Variants in NCAM2 observed in about 807,000 individuals in gnomAD.
NCAM2 encodes the protein N-CAM-2.
A neutral mutation model predicts 98.1 loss-of-function variants in NCAM2; 30 were observed. The ratio of observed to expected loss-of-function variants is 0.31; its 90% CI spans 0.23 to 0.41. The LOEUF is 0.41. Among genes scored for constraint, NCAM2 ranks in the 10% least tolerant of loss-of-function variants. The pLI is 1.00. For synonymous variants in NCAM2, 368 were observed against 342.4 expected (o/e 1.07, Z -0.83); for missense variants, 867 against 1,005.8 (o/e 0.86, Z 1.87).
At chr21:21,151,530 A>C (rs147851329) in intron 1 of NCAM2, among the ~76,000 whole-genome samples, 1 of 152,074 alleles carries the variant, frequency 6.6e-6, no homozygotes, top group Non-Finnish European at 1.5e-5. Flanking sequence ...GCCTCTACCT[A>C]TAATTGTTGA....
At chr21:21,221,965 A>C (rs543337320) in intron 1 of NCAM2, among the ~76,000 whole-genome samples, 35 of 152,276 alleles carry the variant, frequency 2.3e-4, no homozygotes, top group African/African-American at 7.9e-4. Context: ...TGGCTAATGC[A>C]GCTGATGACT....
At chr21:21,395,202 G>A (rs940743211) in intron 9 of NCAM2, among the ~76,000 whole-genome samples, 2 of 152,128 alleles carry the variant, frequency 1.3e-5, no homozygotes, top group Non-Finnish European at 2.9e-5. Flanking sequence ...GGGCCTGGTG[G>A]CGCATGCCTA....
chr21:21,116,519 A>C (rs2146546676), intron 1 of NCAM2, among the ~76,000 whole-genome samples: 1 of 152,274 alleles, frequency 6.6e-6, no homozygotes, highest in East Asian at 1.9e-4. Context: ...GGCTATCTTA[A>C]CACCTGCTTG....
intron 1 of NCAM2, among the ~76,000 whole-genome samples, chr21:21,231,312 AT>A (rs2070616110): frequency 6.6e-6 from 1 of 151,490 alleles, no homozygotes; most frequent in African/African-American, 2.4e-5. Flanking sequence ...TATGGCAGTT[AT>A]CCCTTTTATA....
intron 15 of NCAM2, among the ~76,000 whole-genome samples, chr21:21,490,832 C>T (rs1265962004): frequency 2.0e-5 from 3 of 151,528 alleles, no homozygotes; most frequent in East Asian, 3.9e-4. Flanking sequence ...AGTGTATTGT[C>T]CTCAGTATCA....
At chr21:21,016,164 T>C (rs1252621350) in intron 1 of NCAM2, among the ~76,000 whole-genome samples, 1 of 152,106 alleles carries the variant, frequency 6.6e-6, no homozygotes, top group Non-Finnish European at 1.5e-5. Context: ...TGATTTCCTT[T>C]CCCGAATCAA....
At chr21:21,254,975 G>A (rs1464688926) in intron 1 of NCAM2, among the ~76,000 whole-genome samples, 1 of 131,182 alleles carries the variant, frequency 7.6e-6, no homozygotes, top group Non-Finnish European at 1.7e-5. Context: ...GTGTGTGTGT[G>A]TGTGTATAAT....
chr21:21,476,315 T>C (rs768636960), intron 14 of NCAM2, among the ~76,000 whole-genome samples: 16 of 152,108 alleles, frequency 1.1e-4, no homozygotes, highest in Non-Finnish European at 1.6e-4. Flanking sequence ...ATGGAAACAG[T>C]TATATCCTAA....
At chr21:21,355,341 GA>G (rs2075442913) in intron 8 of NCAM2, among the ~76,000 whole-genome samples, 1 of 150,838 alleles carries the variant, frequency 6.6e-6, no homozygotes, top group Non-Finnish European at 1.5e-5. Flanking sequence ...ACGGGGCCGG[GA>G]AAAGGGGGTT....
chr21:21,513,715 GTC>G (rs1169999066), intron 16 of NCAM2, among the ~76,000 whole-genome samples: 1 of 152,028 alleles, frequency 6.6e-6, no homozygotes. Context: ...GGTCCATTTG[GTC>G]TATAGCATAT....
intron 11 of NCAM2, among the ~76,000 whole-genome samples, chr21:21,421,782 T>C (rs1468444339): frequency 1.3e-5 from 2 of 152,210 alleles, no homozygotes; most frequent in Non-Finnish European, 2.9e-5. Context: ...CATATGGTAT[T>C]TTACAGTGTA....
intron 1 of NCAM2, among the ~76,000 whole-genome samples, chr21:21,221,762 G>A (rs996047375): frequency 3.3e-5 from 5 of 152,184 alleles, no homozygotes; most frequent in East Asian, 1.9e-4. Flanking sequence ...AGAAGCTGCA[G>A]CAAGTTATCC....
intron 1 of NCAM2, among the ~76,000 whole-genome samples, chr21:21,178,072 G>A (rs2068352093): frequency 6.6e-6 from 1 of 152,090 alleles, no homozygotes; most frequent in African/African-American, 2.4e-5. Context: ...AATAATTTAA[G>A]TTGAAAGTAA....
rs758199921 is a variant in NCAM2, at chr21:21,004,114, A to G, written c.55+5496A>G. Among the ~76,000 whole-genome samples the G allele has an allele frequency of 2.0e-5, 3 of 152,188 alleles. No homozygotes were observed. The East Asian group carries it at 5.8e-4, about 29-fold the overall frequency. ...TTAGTTACTAGAGCTCCAGTCTCCAAACTCTTCAGTTCTCCTAACACCAAA... is the reference window on the plus strand; with the variant it reads ...TTAGTTACTAGAGCTCCAGTCTCCAGACTCTTCAGTTCTCCTAACACCAAA... On this transcript the variant is annotated intron_variant, in intron 1 of 17. Transcript: ENST00000400546.
chr21:21,169,258 C>G (rs976987005), intron 1 of NCAM2, among the ~76,000 whole-genome samples: 1 of 151,788 alleles, frequency 6.6e-6, no homozygotes, highest in Non-Finnish European at 1.5e-5. Flanking sequence ...ATCTAGACAA[C>G]GACCATAAAT....
At chr21:21,195,160 C>T (rs564618680) in intron 1 of NCAM2, among the ~76,000 whole-genome samples, 29 of 152,040 alleles carry the variant, frequency 1.9e-4, no homozygotes, top group African/African-American at 5.1e-4. Context: ...TTCATTTGTT[C>T]GTATTGCTAT....
At chr21:21,385,363 C>T (rs112573350) in intron 9 of NCAM2, among the ~76,000 whole-genome samples, 2 of 143,904 alleles carry the variant, frequency 1.4e-5, no homozygotes, top group African/African-American at 5.4e-5. Context: ...AGACATTACA[C>T]AATGTTAAAC....
rs1202579106 is a variant in NCAM2 at position 21,541,030 on chromosome 21, A to G, written c.*3073A>G. On this transcript the variant is annotated 3_prime_UTR_variant, in exon 18 of 18. Coordinates refer to ENST00000400546, the MANE Select transcript of NCAM2 (RefSeq NM_004540.5). ...TTTTATTTTTAATATTAATAACTAT[A>G]AAAGCATTTTTCAAAGGCTATTTGA... The G allele has an allele frequency of 1.3e-5, 2 of 151,776 alleles. No individual in the cohort carries two copies. Among genetic ancestry groups the G allele is most frequent in the African/African-American group, 4.8e-5 (2 of 41,412 alleles). 9.4% of individuals were successfully genotyped at this position (151,776 alleles called of 1,614,324 possible). A position where few individuals can be genotyped will look rare whatever the true frequency, so the allele number is the denominator to read the frequency against.
chr21:21,204,799 G>GT (rs1343936298), intron 1 of NCAM2, among the ~76,000 whole-genome samples: 1 of 152,070 alleles, frequency 6.6e-6, no homozygotes, highest in Non-Finnish European at 1.5e-5. Context: ...TCTGGAAAAT[G>GT]TTTTTCTTAA....
Sources: gnomAD v4.1 joint callset for allele counts (sites outside exome capture counted in the v4.1 genomes callset) on GRCh38, gnomAD v4.1.1 for gene constraint, MANE v1.5 for transcripts, NCBI Gene and HGNC (gene_info 2026-07-23, HGNC 2026-07-21) for gene names.